Variants in NPAS3 observed in about 807,000 individuals in gnomAD.
NPAS3 encodes the protein neuronal PAS domain-containing protein 3.
In NPAS3, 14 loss-of-function variants were observed where a neutral mutation model predicts 73.1. The observed-to-expected ratio is 0.19, with a 90% CI of 0.13 to 0.30. The LOEUF (loss-of-function observed/expected upper bound fraction) is 0.30, where lower values mean the gene tolerates loss of function less well. Among genes scored for constraint, NPAS3 ranks in the 10% least tolerant of loss-of-function variants. NPAS3 has a pLI of 1.00. For synonymous variants in NPAS3, 620 were observed against 541.5 expected (o/e 1.14, Z -2.01); for missense variants, 1,096 against 1,250.0 (o/e 0.88, Z 1.86).
At chr14:33,700,727 G>A (rs1187696500) in intron 6 of NPAS3, among the ~76,000 whole-genome samples, 2 of 152,200 alleles carry the variant, frequency 1.3e-5, no homozygotes, top group Non-Finnish European at 1.5e-5. Context: ...TCTAGATAGT[G>A]ATTGCGTCCA....
chr14:33,680,742 A>G, intron 6 of NPAS3: 1 of 676,102 alleles, frequency 1.5e-6, no homozygotes, highest in Middle Eastern at 2.4e-4. Context: ...GAGTTCATAG[A>G]GGGGAAAATC....
downstream of NPAS3, chr14:33,801,229 G>T (rs1275584916): frequency 1.4e-6 from 2 of 1,475,546 alleles, no homozygotes; most frequent in Non-Finnish European, 1.8e-6. Flanking sequence ...CTCTCGCCAC[G>T]ACGGTCCCCA....
intron 1 of NPAS3, among the ~76,000 whole-genome samples, chr14:32,975,799 A>G (rs1002703154): frequency 1.1e-4 from 17 of 151,686 alleles, no homozygotes; most frequent in South Asian, 4.2e-4. Context: ...GTTTTACAGC[A>G]TTTCTACCTC....
intron 2 of NPAS3, among the ~76,000 whole-genome samples, chr14:33,187,397 A>C (rs1326648858): frequency 6.6e-6 from 1 of 152,136 alleles, no homozygotes; most frequent in Non-Finnish European, 1.5e-5. Flanking sequence ...ATCATTCTTT[A>C]GTTGTAACTG....
At chr14:33,189,304 G>T (rs1047206271) in intron 2 of NPAS3, among the ~76,000 whole-genome samples, 6 of 152,188 alleles carry the variant, frequency 3.9e-5, no homozygotes, top group Admixed American at 3.3e-4. Context: ...AAGGACAAAG[G>T]TGTTTGAATT....
chr14:33,343,507 C>G (rs1307101483), intron 3 of NPAS3, among the ~76,000 whole-genome samples: 3 of 152,126 alleles, frequency 2.0e-5, no homozygotes, highest in African/African-American at 7.2e-5. Flanking sequence ...GGCCCCCTAC[C>G]ATTCCATGTT....
chr14:33,754,870 G>A (rs17101850), intron 7 of NPAS3, among the ~76,000 whole-genome samples: 28,349 of 152,096 alleles, frequency 0.19, 2,827 homozygotes, highest in African/African-American at 0.21. Flanking sequence ...TACATTTCTC[G>A]CTGGACTGTC....
At chr14:33,005,122 T>C (rs2095525) in intron 1 of NPAS3, among the ~76,000 whole-genome samples, 89,480 of 151,666 alleles carry the variant, frequency 0.59, 27,779 homozygotes, top group Non-Finnish European at 0.7. Context: ...GTATAAGAAA[T>C]GCCTAAACCA....
intron 5 of NPAS3, among the ~76,000 whole-genome samples, chr14:33,570,604 C>T (rs2056167103): frequency 6.6e-6 from 1 of 152,170 alleles, no homozygotes; most frequent in Non-Finnish European, 1.5e-5. Flanking sequence ...CACTACATTT[C>T]AAAACCTTTT....
chr14:33,140,765 A>C (rs372243201), intron 2 of NPAS3, among the ~76,000 whole-genome samples: 2 of 152,232 alleles, frequency 1.3e-5, no homozygotes, highest in African/African-American at 4.8e-5. Flanking sequence ...CAGCAGAGAA[A>C]ATAGCAAAAG....
At chr14:33,727,093 C>T (rs941063350) in intron 6 of NPAS3, among the ~76,000 whole-genome samples, 6 of 152,038 alleles carry the variant, frequency 3.9e-5, no homozygotes, top group Admixed American at 3.9e-4. Context: ...TATCTAACTC[C>T]GTTTTAAAAT....
Position 33,079,198 on chromosome 14 carries a change from A to T in NPAS3, c.140+23204A>T, listed in dbSNP as rs190865278. Among the ~76,000 whole-genome samples the T allele has an allele frequency of 7.9e-5, 12 of 152,184 alleles. No homozygotes were observed. The East Asian group carries it at 2.3e-3, about 29-fold the overall frequency. On this transcript the variant is annotated intron_variant, in intron 2 of 11. Coordinates refer to ENST00000356141, the Ensembl canonical transcript of NPAS3. The stretch of plus-strand genomic sequence containing the variant: ...GGAGAAATAGCTGTTTATACAGAAG[A>T]TGCCTTCCTTTTATTACCATCTTTC...
chr14:33,781,900 T>G (rs1024390820), intron 9 of NPAS3, among the ~76,000 whole-genome samples: 1 of 152,220 alleles, frequency 6.6e-6, no homozygotes, highest in African/African-American at 2.4e-5. Context: ...ATATCAGCTG[T>G]GCCAGGATTA....
intron 3 of NPAS3, among the ~76,000 whole-genome samples, chr14:33,309,145 C>A (rs780024546): frequency 2.6e-5 from 4 of 152,186 alleles, no homozygotes; most frequent in Non-Finnish European, 4.4e-5. Context: ...ACAAAGAAAT[C>A]ATCAAACAAT....
At chr14:33,700,807 G>T (rs947682670) in intron 6 of NPAS3, among the ~76,000 whole-genome samples, 2 of 152,182 alleles carry the variant, frequency 1.3e-5, no homozygotes, top group Non-Finnish European at 2.9e-5. Context: ...ACCAATCCAC[G>T]TATAAATTTG....
intron 9 of NPAS3, among the ~76,000 whole-genome samples, chr14:33,781,701 T>A (rs2062984084): frequency 6.6e-6 from 1 of 152,262 alleles, no homozygotes; most frequent in Non-Finnish European, 1.5e-5. Flanking sequence ...TAGGTTGTAG[T>A]CATCTGGTAA....
chr14:33,794,595 TAA>T (rs35594663), intron 10 of NPAS3, among the ~76,000 whole-genome samples: 1 of 149,408 alleles, frequency 6.7e-6, no homozygotes, highest in South Asian at 2.1e-4. Context: ...AATAGCGGTG[TAA>T]AAAATGAAGG....
intron 4 of NPAS3, among the ~76,000 whole-genome samples, chr14:33,493,557 A>C (rs1418760221): frequency 6.6e-6 from 1 of 152,114 alleles, no homozygotes; most frequent in African/African-American, 2.4e-5. Context: ...GATGTGTGTT[A>C]AGGCGTGCCC....
chr14:33,542,065 A>T (rs1423281908), intron 4 of NPAS3, among the ~76,000 whole-genome samples: 2 of 152,184 alleles, frequency 1.3e-5, no homozygotes, highest in Non-Finnish European at 2.9e-5. Context: ...TGGTACCATG[A>T]TGAAGTTAGT....
Sources: allele counts gnomAD v4.1 joint callset (sites outside exome capture counted in the v4.1 genomes callset), GRCh38; gene constraint gnomAD v4.1.1; transcripts MANE v1.5; gene names NCBI Gene and HGNC (gene_info 2026-07-23, HGNC 2026-07-21).